MCPH1: variants seen among roughly 807,000 people sequenced by gnomAD.
MCPH1 encodes the protein microcephalin 1.
In MCPH1, 104 loss-of-function variants were observed where a neutral mutation model predicts 84.5. The observed-to-expected ratio is 1.23, with a 90% CI of 1.05 to 1.45. The LOEUF is 1.45. Ranked by LOEUF, MCPH1 falls within the 40% of genes most tolerant of loss-of-function variation. MCPH1 has a pLI of 0.00. For missense variants in MCPH1, 1,498 were observed against 1,005.7 expected, an observed-to-expected ratio of 1.49 and a Z score of -6.62; for synonymous variants, 514 against 366.8, an observed-to-expected ratio of 1.40 and a Z score of -4.58.
At chr8:6,418,494 T>G (rs568571036) in intron 3 of MCPH1, among the ~76,000 whole-genome samples, 48 of 152,354 alleles carry the variant, frequency 3.2e-4, no homozygotes, top group African/African-American at 1.1e-3. Flanking sequence ...GAACTTAGTA[T>G]GTTATTTTTG....
At chr8:6,640,097 T>TGC (rs59378325) in intron 13 of MCPH1, among the ~76,000 whole-genome samples, 1,500 of 131,418 alleles carry the variant, frequency 0.011, 17 homozygotes, top group Middle Eastern at 0.05. Context: ...TGTGTGTGTG[T>TGC]GCGCGCGCGT....
At chr8:6,434,942 C>T (rs367792324) in intron 4 of MCPH1, among the ~76,000 whole-genome samples, 5 of 152,084 alleles carry the variant, frequency 3.3e-5, no homozygotes, top group African/African-American at 7.2e-5. Context: ...GGGCTAAAGA[C>T]GGGAAGTCAA....
At chr8:6,491,485 T>A (rs1458015792) in intron 11 of MCPH1, among the ~76,000 whole-genome samples, 3 of 152,096 alleles carry the variant, frequency 2.0e-5, no homozygotes, top group Non-Finnish European at 4.4e-5. Flanking sequence ...TTCTTTTTTT[T>A]TTATTATACT....
At chr8:6,525,135 C>G (rs1818091422) in intron 12 of MCPH1, among the ~76,000 whole-genome samples, 1 of 152,210 alleles carries the variant, frequency 6.6e-6, no homozygotes, top group African/African-American at 2.4e-5. Context: ...ACAATATTAA[C>G]CAGCCAAGGA....
At chr8:6,489,676 A>C (rs1484270786) in intron 11 of MCPH1, among the ~76,000 whole-genome samples, 2 of 152,122 alleles carry the variant, frequency 1.3e-5, no homozygotes, top group African/African-American at 4.8e-5. Flanking sequence ...GCTACATCAG[A>C]GAGATTGGTT....
chr8:6,466,127 GGATTTTTTTTTTT>G (rs1432552490), intron 9 of MCPH1, among the ~76,000 whole-genome samples: 37 of 125,188 alleles, frequency 3.0e-4, no homozygotes, highest in Non-Finnish European at 5.1e-4. Flanking sequence ...GCTAATTTTT[GGATTTTTTTTTTT>G]TTTTTTTTTT....
Position 6,487,394 on chromosome 8 carries a change from C to G in MCPH1, c.2136+6518C>G, listed in dbSNP as rs75314833. 3.9e-3 allele frequency among the ~76,000 whole-genome samples: 595 copies of G among 152,266 alleles called. 1 individual carries two copies. The highest frequency in any genetic ancestry group is 6.8e-3 in the Middle Eastern group (2 of 294). ...ACACACTCAGTTCATTCCGTTCACGCCTCTCATTTTACATTAAAGAAATGC... is the reference window on the plus strand; with the variant it reads ...ACACACTCAGTTCATTCCGTTCACGGCTCTCATTTTACATTAAAGAAATGC... On this transcript the variant is annotated intron_variant, in intron 11 of 13. Coordinates refer to ENST00000344683, the MANE Select transcript of MCPH1 (RefSeq NM_024596.5).
intron 12 of MCPH1, among the ~76,000 whole-genome samples, chr8:6,605,775 G>T (rs1448177240): frequency 6.6e-6 from 1 of 152,150 alleles, no homozygotes; most frequent in Non-Finnish European, 1.5e-5. Flanking sequence ...TCAGCTCACT[G>T]CAACCTCCAC....
chr8:6,409,174 C>G (rs1465184369), intron 1 of MCPH1, 105 bp from the exon 2 acceptor site: 1 of 955,568 alleles, frequency 1.0e-6, no homozygotes, highest in Non-Finnish European at 1.7e-6. Flanking sequence ...GCGTGAGCCA[C>G]TGTGCCGGCC....
chr8:6,590,513 A>G (rs527342335), intron 12 of MCPH1, among the ~76,000 whole-genome samples: 114 of 152,246 alleles, frequency 7.5e-4, no homozygotes, highest in Non-Finnish European at 1.4e-3. Flanking sequence ...GCCACTAGAC[A>G]GAATCTGCTG....
chr8:6,429,722 A>G (rs964873944), intron 3 of MCPH1, among the ~76,000 whole-genome samples: 7 of 151,974 alleles, frequency 4.6e-5, no homozygotes, highest in Non-Finnish European at 7.4e-5. Flanking sequence ...TCTAAATATT[A>G]TTCAGTTAAG....
In MCPH1 at chr8:6,447,046, G is replaced by T. The variant is rs1156469260; in HGVS notation, c.1825+1499G>T. On this transcript the variant is annotated intron_variant, in intron 8 of 13. Transcript: ENST00000344683. ...GGGCCCGGGTGCAAGAAAACATTCT[G>T]TGTGCGCTAGTGCGAGAGGATCTTC... The T allele has an allele frequency of 3.0e-6, 3 of 985,340 alleles. No homozygotes were observed. The African/African-American group carries it at 5.2e-5, about 17-fold the overall frequency. 61.0% of individuals were successfully genotyped at this position (985,340 alleles called of 1,614,324 possible).
At chr8:6,621,318 A>G (rs993380580) in intron 12 of MCPH1, 136 bp from the exon 13 acceptor site, 5 of 1,145,818 alleles carry the variant, frequency 4.4e-6, no homozygotes, top group South Asian at 2.7e-5. Context: ...TCAGAATTCA[A>G]AATTCACAGG....
rs775732761 is a variant in MCPH1 at position 6,445,059 on chromosome 8, GTCTT to G, written c.1341_1344del (p.Ser448ArgfsTer51). The G allele has an allele frequency of 1.2e-6, 2 of 1,614,214 alleles. No individual in the cohort carries two copies. Among genetic ancestry groups the G allele is most frequent in the Non-Finnish European group, 1.7e-6 (2 of 1,180,010 alleles). On this transcript the variant is annotated frameshift_variant, in exon 8 of 14. Transcript: ENST00000344683. LOFTEE classifies it high-confidence loss of function. ...AGCCCTGCTCAGTTGAGCTGCAGAA[GTCTT>G]TCTAAGAAGGAGAGAACAAGCATAT...
intron 12 of MCPH1, among the ~76,000 whole-genome samples, chr8:6,556,757 C>T (rs944792575): frequency 1.3e-5 from 2 of 152,034 alleles, no homozygotes; most frequent in Non-Finnish European, 2.9e-5. Context: ...GGGACCACAG[C>T]TGCGTGCCAT....
At chr8:6,508,782 A>G (rs1041405735) in intron 12 of MCPH1, 1 of 1,154,462 alleles carries the variant, frequency 8.7e-7, no homozygotes, top group Non-Finnish European at 1.3e-6. Flanking sequence ...AAAAAGTGAA[A>G]AACACATTTA....
chr8:6,632,669 C>T (rs1473320872), intron 13 of MCPH1, among the ~76,000 whole-genome samples: 1 of 151,964 alleles, frequency 6.6e-6, no homozygotes, highest in African/African-American at 2.4e-5. Context: ...ATTAGCCGGC[C>T]GTGGTGGCAC....
Position 6,593,177 on chromosome 8 carries a change from G to T in MCPH1, c.2215-28277G>T, listed in dbSNP as rs573066346. 2.8e-5 allele frequency among the ~76,000 whole-genome samples: 4 copies of T among 141,224 alleles called. No homozygotes were observed. The South Asian group carries it at 1.0e-3, about 37-fold the overall frequency. 92.6% of individuals were successfully genotyped at this position (141,224 alleles called of 152,430 possible). ...TGGCTCACTGCAACCTCTACCTCCC[G>T]GGTTCAAGTGATTCTCGTGCCTCAG... On this transcript the variant is annotated intron_variant, in intron 12 of 13. Transcript: ENST00000344683.
At chr8:6,566,718 T>C (rs1202958591) in intron 12 of MCPH1, among the ~76,000 whole-genome samples, 1 of 151,272 alleles carries the variant, frequency 6.6e-6, no homozygotes, top group Non-Finnish European at 1.5e-5. Flanking sequence ...CCGTGTGTGA[T>C]CGGCAAGGCC....
Sources: allele counts gnomAD v4.1 joint callset (sites outside exome capture counted in the v4.1 genomes callset), GRCh38; gene constraint gnomAD v4.1.1; transcripts MANE v1.5; gene names NCBI Gene and HGNC (gene_info 2026-07-23, HGNC 2026-07-21).